Variants in HDAC9 observed in about 807,000 individuals in gnomAD.
HDAC9 encodes histone deacetylase 9.
A neutral mutation model predicts 139.4 loss-of-function variants in HDAC9; 41 were observed. The ratio of observed to expected loss-of-function variants is 0.29; its 90% CI spans 0.23 to 0.38. HDAC9 has a LOEUF of 0.38. Among genes scored for constraint, HDAC9 ranks in the 10% least tolerant of loss-of-function variants. The pLI, the probability that HDAC9 is intolerant of heterozygous loss-of-function variation, is 1.00. For missense variants in HDAC9, 1,147 were observed against 1,297.0 expected (o/e 0.88, Z 1.78); for synonymous variants, 517 against 476.2 (o/e 1.09, Z -1.12).
rs562130935 is a variant in HDAC9, at chr7:18,792,936, C to T, written c.2215-409C>T. ...TTTCCCCCTCTAGCACTTGCAAATC[C>T]GATTTTTATGTATAACTAAGTGCTC... On this transcript the variant is annotated intron_variant, in intron 16 of 25. Coordinates refer to ENST00000686413, the MANE Select transcript of HDAC9 (RefSeq NM_178425.4). Among the ~76,000 whole-genome samples, 124 of 152,192 alleles carry T rather than the reference C, an allele frequency of 8.1e-4. 1 individual carries two copies. Among genetic ancestry groups the T allele is most frequent in the Middle Eastern group, 6.8e-3 (2 of 294 alleles).
chr7:18,887,340 G>T (rs1319642134), intron 22 of HDAC9, among the ~76,000 whole-genome samples: 1 of 152,108 alleles, frequency 6.6e-6, no homozygotes, highest in African/African-American at 2.4e-5. Flanking sequence ...CTGATCTAGG[G>T]ACCAGGCTTT....
At chr7:18,174,118 C>T (rs901593506) in intron 2 of HDAC9, among the ~76,000 whole-genome samples, 1 of 152,080 alleles carries the variant, frequency 6.6e-6, no homozygotes, top group African/African-American at 2.4e-5. Context: ...TCGCATAGTC[C>T]CATATTTCTT....
intron 2 of HDAC9, among the ~76,000 whole-genome samples, chr7:18,211,871 C>G (rs908759544): frequency 2.0e-5 from 3 of 151,964 alleles, no homozygotes; most frequent in African/African-American, 4.8e-5. Flanking sequence ...CTTAAGAGGG[C>G]GTCAGAAGTT....
At chr7:18,773,039 A>G (rs978958961) in intron 16 of HDAC9, among the ~76,000 whole-genome samples, 3 of 152,082 alleles carry the variant, frequency 2.0e-5, no homozygotes, top group African/African-American at 4.8e-5. Flanking sequence ...GAAAATACAT[A>G]GAATCATTAA....
At chr7:18,776,883 C>T (rs1299226864) in intron 16 of HDAC9, among the ~76,000 whole-genome samples, 1 of 151,860 alleles carries the variant, frequency 6.6e-6, no homozygotes, top group African/African-American at 2.4e-5. Context: ...AGTTTGGGGA[C>T]CCCATCTCAC....
intron 24 of HDAC9, among the ~76,000 whole-genome samples, chr7:18,972,339 TTTAG>T (rs1784291144): frequency 6.6e-6 from 1 of 151,652 alleles, no homozygotes; most frequent in Admixed American, 6.6e-5. Context: ...TGGAAATACT[TTTAG>T]TTAGCTCAAT....
At chr7:18,851,889 C>T (rs1194090408) in intron 21 of HDAC9, among the ~76,000 whole-genome samples, 1 of 152,174 alleles carries the variant, frequency 6.6e-6, no homozygotes, top group Non-Finnish European at 1.5e-5. Flanking sequence ...ATTCATTAGA[C>T]TTTCTTCATT....
chr7:18,796,041 C>G (rs892771399), intron 17 of HDAC9, among the ~76,000 whole-genome samples: 1 of 152,124 alleles, frequency 6.6e-6, no homozygotes, highest in African/African-American at 2.4e-5. Flanking sequence ...ATATTCTATC[C>G]CATTCTCCCA....
chr7:18,368,780 A>C (rs553302130), intron 1 of HDAC9, among the ~76,000 whole-genome samples: 5 of 87,094 alleles, frequency 5.7e-5, no homozygotes, highest in Middle Eastern at 4.7e-3. Flanking sequence ...AGAAATTCCT[A>C]CCTAAGTAGT....
At chr7:18,519,466 A>C (rs1804297097) in intron 2 of HDAC9, among the ~76,000 whole-genome samples, 1 of 152,226 alleles carries the variant, frequency 6.6e-6, no homozygotes, top group African/African-American at 2.4e-5. Flanking sequence ...GCTATGAATA[A>C]GACATTTACA....
At chr7:18,827,455 C>G (rs1486047485) in intron 17 of HDAC9, among the ~76,000 whole-genome samples, 3 of 152,002 alleles carry the variant, frequency 2.0e-5, no homozygotes, top group African/African-American at 4.8e-5. Context: ...AATGAATTAT[C>G]CTTCTACAAG....
intron 22 of HDAC9, among the ~76,000 whole-genome samples, chr7:18,886,035 A>T (rs1800122239): frequency 6.6e-6 from 1 of 152,246 alleles, no homozygotes; most frequent in African/African-American, 2.4e-5. Context: ...ACAGCTAACA[A>T]AAAAAGCAAC....
chr7:18,235,425 T>G (rs756888745), intron 2 of HDAC9, among the ~76,000 whole-genome samples: 27 of 152,170 alleles, frequency 1.8e-4, no homozygotes, highest in Non-Finnish European at 3.8e-4. Flanking sequence ...AGGTACCAAC[T>G]TAATGTCACT....
At chr7:18,954,024 G>A (rs1782980515) in intron 23 of HDAC9, 122 bp from the exon 24 acceptor site, 2 of 677,014 alleles carry the variant, frequency 3.0e-6, no homozygotes, top group Admixed American at 3.0e-5. Flanking sequence ...TCAGCAAAAT[G>A]TTAACTAGTT....
chr7:18,195,030 C>T (rs901807975), intron 2 of HDAC9, among the ~76,000 whole-genome samples: 9 of 151,848 alleles, frequency 5.9e-5, no homozygotes, highest in African/African-American at 1.9e-4. Flanking sequence ...TTGTTTTTAA[C>T]TAATATTACT....
At chr7:18,719,442 C>T (rs1431235206) in intron 12 of HDAC9, among the ~76,000 whole-genome samples, 28 of 139,678 alleles carry the variant, frequency 2.0e-4, no homozygotes, top group South Asian at 2.4e-4. Context: ...TGGGTTCAAA[C>T]GATTCTCCTG....
intron 2 of HDAC9, among the ~76,000 whole-genome samples, chr7:18,284,296 T>A (rs1481650725): frequency 6.6e-6 from 1 of 152,152 alleles, no homozygotes; most frequent in East Asian, 1.9e-4. Flanking sequence ...ATGTATATAT[T>A]TTTTCATCAA....
chr7:18,266,909 A>G (rs971686696), intron 2 of HDAC9, among the ~76,000 whole-genome samples: 1 of 152,134 alleles, frequency 6.6e-6, no homozygotes, highest in East Asian at 1.9e-4. Flanking sequence ...GAGCCATCCA[A>G]TTTTAGAGAT....
chr7:18,533,930 AT>A (rs201898079), intron 2 of HDAC9, among the ~76,000 whole-genome samples: 10 of 151,758 alleles, frequency 6.6e-5, no homozygotes, highest in East Asian at 3.9e-4. Context: ...AGAGTTTAAA[AT>A]TTTTTTTTAA....
Sources: gnomAD v4.1 joint callset for allele counts (sites outside exome capture counted in the v4.1 genomes callset) on GRCh38, gnomAD v4.1.1 for gene constraint, MANE v1.5 for transcripts, NCBI Gene and HGNC (gene_info 2026-07-23, HGNC 2026-07-21) for gene names.